TULP4: variants seen among roughly 807,000 people sequenced by gnomAD.
TULP4 encodes the protein tubby-related protein 4.
TULP4 carries 16 observed loss-of-function variants against 129.0 expected under a neutral mutation model. The observed-to-expected ratio is 0.12, with a 90% CI of 0.08 to 0.19. TULP4 has a LOEUF of 0.19. Ranked by LOEUF, TULP4 falls within the 10% of genes least tolerant of loss-of-function variation. The pLI, the probability that TULP4 is intolerant of heterozygous loss-of-function variation, is 1.00. For synonymous variants in TULP4, 998 were observed against 854.0 expected, an observed-to-expected ratio of 1.17 and a Z score of -2.94; for missense variants, 1,842 against 2,059.1, an observed-to-expected ratio of 0.89 and a Z score of 2.04.
intron 9 of TULP4, among the ~76,000 whole-genome samples, chr6:158,490,347 T>C (rs1780172414): frequency 6.6e-6 from 1 of 152,172 alleles, no homozygotes; most frequent in Non-Finnish European, 1.5e-5. Flanking sequence ...AGAGCCGAGA[T>C]TGTGCCACTG....
chr6:158,492,506 A>G (rs1780238843), intron 9 of TULP4, among the ~76,000 whole-genome samples: 2 of 152,154 alleles, frequency 1.3e-5, no homozygotes, highest in Non-Finnish European at 2.9e-5. Context: ...TATATTTCCA[A>G]AGTGCTTTTT....
Position 158,501,975 on chromosome 6 carries a change from C to G in TULP4, c.2312C>G (p.Pro771Arg), listed in dbSNP as rs768196847. The G allele has an allele frequency of 6.2e-7, 1 of 1,613,724 alleles. No individual in the cohort carries two copies. Among genetic ancestry groups the G allele is most frequent in the Non-Finnish European group, 8.5e-7 (1 of 1,179,980 alleles). Residue 771 changes from proline to arginine, a missense_variant, in exon 13 of 14, where the codon CCT becomes CGT. Physicochemically the swap from Pro to Arg is moderately radical, Grantham distance 103. Coordinates refer to ENST00000367097, the MANE Select transcript of TULP4 (RefSeq NM_020245.5). Reference protein sequence around the residue: ...VEMGRIIQNPPPLSLPPPPQG... With the variant: ...VEMGRIIQNPRPLSLPPPPQG... ...ATGGGCCGCATCATTCAGAACCCCC[C>G]TCCACTGTCCCTGCCTCCCCCGCCG...
chr6:158,457,923 A>T (rs564432712), intron 5 of TULP4, among the ~76,000 whole-genome samples: 170 of 120,800 alleles, frequency 1.4e-3, no homozygotes, highest in African/African-American at 5.9e-3. Flanking sequence ...TACTTCTTAA[A>T]GGAAAAAAAA....
chr6:158,412,814 C>T (rs978762924), intron 1 of TULP4, among the ~76,000 whole-genome samples: 1 of 152,106 alleles, frequency 6.6e-6, no homozygotes, highest in Non-Finnish European at 1.5e-5. Context: ...CCCCAGGTCG[C>T]CTCTTTGTTT....
At chr6:158,249,438 GA>G (rs1208124229) in intron 1 of TULP4, among the ~76,000 whole-genome samples, 2 of 152,172 alleles carry the variant, frequency 1.3e-5, no homozygotes, top group Non-Finnish European at 2.9e-5. Context: ...AAGTGAGAAT[GA>G]AAGTGGCACG....
At chr6:158,264,705 A>G (rs1778418869) in intron 1 of TULP4, among the ~76,000 whole-genome samples, 1 of 152,186 alleles carries the variant, frequency 6.6e-6, no homozygotes, top group African/African-American at 2.4e-5. Context: ...GTGCTGAAAG[A>G]GCCCTGCTGT....
intron 1 of TULP4, among the ~76,000 whole-genome samples, chr6:158,305,679 C>T (rs9346746): frequency 0.87 from 130,708 of 150,522 alleles, 57,066 homozygotes; most frequent in Admixed American, 0.92. Flanking sequence ...CACTCCAGCC[C>T]GAAAGACAGA....
intron 3 of TULP4, among the ~76,000 whole-genome samples, chr6:158,435,757 C>G (rs1240027234): frequency 1.3e-5 from 2 of 152,136 alleles, no homozygotes; most frequent in Admixed American, 1.3e-4. Flanking sequence ...TAGACGTAGA[C>G]GTTGCTCAAG....
At chr6:158,444,016 G>C (rs1007222054) in intron 3 of TULP4, among the ~76,000 whole-genome samples, 3 of 151,928 alleles carry the variant, frequency 2.0e-5, no homozygotes, top group South Asian at 2.1e-4. Flanking sequence ...TCAGGAGATT[G>C]AGACCATCCT....
chr6:158,330,486 T>A (rs951262217), intron 1 of TULP4, among the ~76,000 whole-genome samples: 3 of 152,230 alleles, frequency 2.0e-5, no homozygotes, highest in African/African-American at 4.8e-5. Context: ...GCATACACTC[T>A]CTCTCTTTCT....
chr6:158,304,675 T>TA (rs1167439010), intron 1 of TULP4, among the ~76,000 whole-genome samples: 1 of 150,882 alleles, frequency 6.6e-6, no homozygotes, highest in Admixed American at 6.6e-5. Context: ...TTTACCTTAT[T>TA]TTTTTTTTTG....
chr6:158,471,218 A>G (rs897455816), intron 6 of TULP4, among the ~76,000 whole-genome samples: 1 of 54,212 alleles, frequency 1.8e-5, no homozygotes. Flanking sequence ...TCAATAAGCT[A>G]AAAAGGCAGG....
intron 9 of TULP4, among the ~76,000 whole-genome samples, chr6:158,491,118 C>T (rs536589875): frequency 9.2e-5 from 14 of 152,264 alleles, no homozygotes; most frequent in Admixed American, 7.2e-4. Context: ...CCAGGGTAGC[C>T]GCACCCACGT....
In TULP4 at chr6:158,335,293, A is replaced by T. The variant is rs537307426; in HGVS notation, c.252+21025A>T. On this transcript the variant is annotated intron_variant, in intron 1 of 13. Coordinates refer to ENST00000367097, the MANE Select transcript of TULP4 (RefSeq NM_020245.5). ...CTGTCTCAAAAAAAAAAAAAAAAAA[A>T]TTTTTGTTCTTTATAAGTACCCAGT... Among the ~76,000 whole-genome samples the T allele has an allele frequency of 4.0e-3, 473 of 117,502 alleles. 2 individuals carry two copies. Among genetic ancestry groups the T allele is most frequent in the African/African-American group, 8.2e-3 (263 of 32,038 alleles). The allele number at this position is 117,502 out of a possible 152,430, so 77.1% of individuals were successfully genotyped here. A position where few individuals can be genotyped will look rare whatever the true frequency, so the allele number is the denominator to read the frequency against.
intron 3 of TULP4, chr6:158,437,807 G>A (rs1778785839): frequency 6.6e-6 from 1 of 152,110 alleles, no homozygotes; most frequent in Non-Finnish European, 1.5e-5. Context: ...GCTGGGTATG[G>A]TGGCATGTGC....
intron 2 of TULP4, among the ~76,000 whole-genome samples, chr6:158,417,970 G>A (rs1778249133): frequency 6.6e-6 from 1 of 152,172 alleles, no homozygotes; most frequent in African/African-American, 2.4e-5. Flanking sequence ...TGGGTCAATG[G>A]CATGGTCAGC....
At chr6:158,479,063 T>C (rs1345708582) in intron 6 of TULP4, among the ~76,000 whole-genome samples, 1 of 151,978 alleles carries the variant, frequency 6.6e-6, no homozygotes, top group Non-Finnish European at 1.5e-5. Flanking sequence ...TCCCCACTCA[T>C]GAGAAAAGGG....
At chr6:158,483,042 C>T (rs992603042) in intron 8 of TULP4, among the ~76,000 whole-genome samples, 1 of 152,174 alleles carries the variant, frequency 6.6e-6, no homozygotes, top group Non-Finnish European at 1.5e-5. Flanking sequence ...AGCACATTGA[C>T]AGATATTTAG....
At chr6:158,402,564 T>C (rs1294370472) in intron 1 of TULP4, among the ~76,000 whole-genome samples, 1 of 152,230 alleles carries the variant, frequency 6.6e-6, no homozygotes, top group Admixed American at 6.5e-5. Context: ...ACTTTCTCAC[T>C]TCCCAATTAA....
Sources: gnomAD v4.1 joint callset for allele counts (sites outside exome capture counted in the v4.1 genomes callset) on GRCh38, gnomAD v4.1.1 for gene constraint, MANE v1.5 for transcripts, NCBI Gene and HGNC (gene_info 2026-07-23, HGNC 2026-07-21) for gene names.